GABRG3: variants seen among roughly 807,000 people sequenced by gnomAD.
GABRG3 encodes gamma-aminobutyric acid receptor subunit gamma-3.
In GABRG3, 25 loss-of-function variants were observed where a neutral mutation model predicts 48.8. The ratio of observed to expected loss-of-function variants is 0.51; its 90% CI spans 0.37 to 0.72. GABRG3 has a LOEUF of 0.72. GABRG3 is among the 30% of genes least tolerant of loss of function. GABRG3 has a pLI of 0.00. For synonymous variants in GABRG3, 227 were observed against 217.6 expected, an observed-to-expected ratio of 1.04 and a Z score of -0.38; for missense variants, 394 against 577.9, an observed-to-expected ratio of 0.68 and a Z score of 3.26.
chr15:26,995,715 A>T (rs1895328509), intron 2 of GABRG3, among the ~76,000 whole-genome samples: 1 of 152,092 alleles, frequency 6.6e-6, no homozygotes, highest in Non-Finnish European at 1.5e-5. Context: ...ATCTGAGATT[A>T]TACAAACTTA....
At chr15:27,123,247 T>C (rs1486622448) in intron 3 of GABRG3, among the ~76,000 whole-genome samples, 1 of 152,234 alleles carries the variant, frequency 6.6e-6, no homozygotes, top group Non-Finnish European at 1.5e-5. Flanking sequence ...AGATATCTTT[T>C]TGACTCTTGG....
intron 3 of GABRG3, among the ~76,000 whole-genome samples, chr15:27,140,128 T>G (rs576306375): frequency 6.6e-6 from 1 of 152,290 alleles, no homozygotes; most frequent in East Asian, 1.9e-4. Context: ...AAGGTAAGTT[T>G]CACTGAGTTC....
rs1197853869 is a variant in GABRG3, at chr15:27,058,299, C to A, written c.270+31478C>A. On this transcript the variant is annotated intron_variant, in intron 3 of 9. Coordinates refer to ENST00000615808, the MANE Select transcript of GABRG3 (RefSeq NM_033223.5). Reference sequence around the variant, plus strand: ...GAGATGATAGGGACAAGAGTCCACACCAGGCTATCTCCGCACAGCAGAGCT... The same window carrying A: ...GAGATGATAGGGACAAGAGTCCACAACAGGCTATCTCCGCACAGCAGAGCT... 2.0e-5 allele frequency among the ~76,000 whole-genome samples: 3 copies of A among 152,358 alleles called. No homozygotes were observed. The East Asian group carries it at 5.8e-4, about 29-fold the overall frequency.
At chr15:27,402,186 A>C (rs55742778) in intron 5 of GABRG3, among the ~76,000 whole-genome samples, 7,937 of 152,288 alleles carry the variant, frequency 0.052, 674 homozygotes, top group African/African-American at 0.18. Flanking sequence ...TACAAAAGCC[A>C]TCTAACCAAA....
chr15:27,010,720 A>G (rs575623352), intron 2 of GABRG3, among the ~76,000 whole-genome samples: 5 of 152,296 alleles, frequency 3.3e-5, no homozygotes, highest in East Asian at 1.9e-4. Flanking sequence ...TGGTTGTTGT[A>G]GATGTGGGAC....
intron 3 of GABRG3, among the ~76,000 whole-genome samples, chr15:27,308,272 A>ATATAAACATACGTTTATATATAAACATC (rs1566773668): frequency 8.8e-6 from 1 of 113,252 alleles, no homozygotes; most frequent in African/African-American, 3.5e-5. Context: ...ATATAAACAT[A>ATATAAACATACGTTTATATATAAACATC]ATATAAACAT....
In GABRG3 at chr15:27,087,677, G is replaced by A. The variant is rs558821835; in HGVS notation, c.270+60856G>A. Among the ~76,000 whole-genome samples the A allele has an allele frequency of 2.7e-4, 41 of 152,212 alleles. No individual in the cohort carries two copies. In the East Asian group the frequency reaches 7.7e-3, roughly 29 times the overall value. ...GCATCTGTGTGTGCATATGTGGTGT[G>A]CTGTGGAATGTATGAGTGGGGGTGT... On this transcript the variant is annotated intron_variant, in intron 3 of 9. Transcript: ENST00000615808.
chr15:27,146,797 G>A (rs1898217763), intron 3 of GABRG3, among the ~76,000 whole-genome samples: 1 of 151,890 alleles, frequency 6.6e-6, no homozygotes, highest in African/African-American at 2.4e-5. Flanking sequence ...AAATAATGTA[G>A]TAAAAGAAAG....
At chr15:27,501,542 C>T (rs1238136777) in intron 6 of GABRG3, among the ~76,000 whole-genome samples, 1 of 152,144 alleles carries the variant, frequency 6.6e-6, no homozygotes, top group Non-Finnish European at 1.5e-5. Flanking sequence ...CAGTCTCCTG[C>T]AATCTACTGC....
chr15:27,056,354 A>G (rs796438723), intron 3 of GABRG3, among the ~76,000 whole-genome samples: 239 of 124,392 alleles, frequency 1.9e-3, no homozygotes, highest in African/African-American at 7.2e-3. Flanking sequence ...CCCTGTCTCC[A>G]AAAAAAAAAA....
intron 4 of GABRG3, among the ~76,000 whole-genome samples, chr15:27,327,462 G>A (rs1283769594): frequency 6.6e-6 from 1 of 152,144 alleles, no homozygotes; most frequent in African/African-American, 2.4e-5. Flanking sequence ...CTGGAGTCAG[G>A]GAAGTCTTCG....
intron 6 of GABRG3, among the ~76,000 whole-genome samples, chr15:27,517,729 C>T (rs1891056724): frequency 6.6e-6 from 1 of 151,994 alleles, no homozygotes. Context: ...AATTTTATGC[C>T]AAAAATTAAT....
intron 3 of GABRG3, among the ~76,000 whole-genome samples, chr15:27,049,408 CTGTT>C (rs1377786952): frequency 2.0e-5 from 3 of 152,324 alleles, no homozygotes; most frequent in South Asian, 2.1e-4. Context: ...GTGCTTCACA[CTGTT>C]TGTATTAGTT....
At chr15:27,516,110 GAAA>G (rs59600619) in intron 6 of GABRG3, among the ~76,000 whole-genome samples, 1 of 123,250 alleles carries the variant, frequency 8.1e-6, no homozygotes, top group African/African-American at 2.8e-5. Flanking sequence ...AGCATTTTCA[GAAA>G]AAAAAAAAAA....
chr15:27,097,703 C>G lies in GABRG3; in HGVS notation c.270+70882C>G, dbSNP rs1486972987. Among the ~76,000 whole-genome samples, 4 of 152,206 alleles carry G rather than the reference C, an allele frequency of 2.6e-5. No homozygotes were observed. The South Asian group carries it at 8.3e-4, about 32-fold the overall frequency. ...GACTGGAGGTGTTCTGCTGCTGAAG[C>G]CTGGGGGAGGTGTGCTACTGGCAGT... On this transcript the variant is annotated intron_variant, in intron 3 of 9. Transcript: ENST00000615808.
chr15:27,071,937 C>T (rs1595506368), intron 3 of GABRG3, among the ~76,000 whole-genome samples: 1 of 152,224 alleles, frequency 6.6e-6, no homozygotes, highest in African/African-American at 2.4e-5. Context: ...CACAGCTCCT[C>T]TCAGGCTGGA....
rs148509203 is a variant in GABRG3 at position 27,220,923 on chromosome 15, G to A, written c.271-105886G>A. Among the ~76,000 whole-genome samples, 10 of 152,000 alleles carry A rather than the reference G, an allele frequency of 6.6e-5. No individual in the cohort carries two copies. In the East Asian group the frequency reaches 9.7e-4, roughly 15 times the overall value. ...TAATCGCAGATCAAGTATTCAGTTCGATCTTCAGAATGGACAATAATGCAA... is the reference window on the plus strand; with the variant it reads ...TAATCGCAGATCAAGTATTCAGTTCAATCTTCAGAATGGACAATAATGCAA... On this transcript the variant is annotated intron_variant, in intron 3 of 9. Coordinates refer to ENST00000615808, the MANE Select transcript of GABRG3 (RefSeq NM_033223.5).
chr15:27,217,083 C>T lies in GABRG3; in HGVS notation c.271-109726C>T, dbSNP rs1889283839. On this transcript the variant is annotated intron_variant, in intron 3 of 9. Transcript: ENST00000615808. ...GAGAATGATGGTTTCCAATTTCATC[C>T]ACGTCCCTACAAAGGACATGAACTC... 1.3e-5 allele frequency among the ~76,000 whole-genome samples: 2 copies of T among 149,638 alleles called. 1 individual carries two copies. The highest frequency in any genetic ancestry group is 4.3e-4 in the South Asian group (2 of 4,602).
chr15:27,291,621 A>G (rs1006212424), intron 3 of GABRG3, among the ~76,000 whole-genome samples: 4 of 152,224 alleles, frequency 2.6e-5, no homozygotes, highest in African/African-American at 9.6e-5. Context: ...TATTTAATGA[A>G]AACAGTTTAA....
Sources: gnomAD v4.1 joint callset for allele counts (sites outside exome capture counted in the v4.1 genomes callset) on GRCh38, gnomAD v4.1.1 for gene constraint, MANE v1.5 for transcripts, NCBI Gene and HGNC (gene_info 2026-07-23, HGNC 2026-07-21) for gene names.